The following PORCN variants were observed in gnomAD, a reference collection of about 807,000 sequenced individuals.
The protein encoded by PORCN is porcupine O-acyltransferase, also known as protein-serine O-palmitoleoyltransferase porcupine.
In PORCN, 1 loss-of-function variant was observed where a neutral mutation model predicts 43.0. The ratio of observed to expected loss-of-function variants is 0.02; its 90% CI spans 0.01 to 0.11. PORCN has a LOEUF of 0.11. PORCN is among the 10% of genes least tolerant of loss of function. The pLI is 1.00. For missense variants in PORCN, 240 were observed against 392.1 expected, an observed-to-expected ratio of 0.61 and a Z score of 3.28; for synonymous variants, 148 against 166.4, an observed-to-expected ratio of 0.89 and a Z score of 0.85.
intron 14 of PORCN, among the ~76,000 whole-genome samples, chrX:48,517,751 G>A (rs12557544): frequency 0.29 from 32,098 of 109,146 alleles, 3,812 homozygotes; most frequent in East Asian, 0.39. Flanking sequence ...CCCAGGAGGT[G>A]GAGGTCACAG....
chrX:48,516,255 C>T, intron 13 of PORCN, 109 bp downstream of exon 13: 1 of 707,777 alleles, frequency 1.4e-6, no homozygotes, highest in Non-Finnish European at 2.2e-6. Context: ...CTTTTGGTGC[C>T]TGAGCCATCC....
chrX:48,509,283 C>T (rs1569477288), intron 1 of PORCN, 180 bp downstream of exon 1: 1 of 239,698 alleles, frequency 4.2e-6, no homozygotes, highest in Admixed American at 5.3e-5. Context: ...ACTTTGTTGG[C>T]GGCCTCTCGC....
chrX:48,517,133 G>A, intron 13 of PORCN, 50 bp from the exon 14 acceptor site: 1 of 995,857 alleles, frequency 1.0e-6, no homozygotes, highest in East Asian at 3.3e-5. Context: ...GAGGAGGTGG[G>A]ACACAGTGAG....
chrX:48,517,110 C>A, intron 13 of PORCN, 73 bp from the exon 14 acceptor site: 1 of 828,164 alleles, frequency 1.2e-6, no homozygotes, highest in Non-Finnish European at 1.8e-6. Context: ...GTCCCCTGGG[C>A]TCCCCCGTGC....
chrX:48,515,071 T>C (rs1295624362), intron 10 of PORCN, among the ~76,000 whole-genome samples: 1 of 111,414 alleles, frequency 9.0e-6, no homozygotes, highest in Non-Finnish European at 1.9e-5. Flanking sequence ...TTGCCTGGTG[T>C]GTGGGGAACA....
intron 2 of PORCN, 67 bp downstream of exon 2, chrX:48,510,023 C>A: frequency 9.2e-6 from 8 of 871,517 alleles, no homozygotes; most frequent in South Asian, 2.1e-5. Context: ...TCATCCATAT[C>A]GAGCCACACC....
intron 14 of PORCN, 108 bp from the exon 15 acceptor site, chrX:48,520,267 G>A: frequency 1.7e-6 from 1 of 579,584 alleles, no homozygotes; most frequent in South Asian, 2.3e-5. Context: ...CCCTTCTGCG[G>A]GGCCTCGCCT....
Position 48,515,963 on chromosome X carries a change from G to A in PORCN, c.1087+10G>A, listed in dbSNP as rs375599515. On this transcript the variant is annotated intron_variant, in intron 12 of 14. Coordinates refer to ENST00000326194, the MANE Select transcript of PORCN (RefSeq NM_203475.3). The stretch of plus-strand genomic sequence containing the variant: ...ACTTACGTGGAGCATGGTGAGTGCA[G>A]GGCCCAGCCCAGCCGTTGGATAGAA... 13 of 1,208,361 alleles carry A rather than the reference G, an allele frequency of 1.1e-5. No homozygotes were observed. The African/African-American group carries it at 2.3e-4, about 21-fold the overall frequency.
At chrX:48,519,021 A>G (rs1260013526) in intron 14 of PORCN, among the ~76,000 whole-genome samples, 1 of 111,634 alleles carries the variant, frequency 9.0e-6, no homozygotes, top group Non-Finnish European at 1.9e-5. Flanking sequence ...TGTTTTCATT[A>G]AAATATTTTA....
chrX:48,518,355 G>A (rs972196310), intron 14 of PORCN, among the ~76,000 whole-genome samples: 10 of 110,253 alleles, frequency 9.1e-5, no homozygotes, highest in Middle Eastern at 4.7e-3. Context: ...TGAGTAGCTG[G>A]GATTACAGGC....
At chrX:48,513,167 G>C (rs2061688861) in intron 7 of PORCN, among the ~76,000 whole-genome samples, 1 of 112,649 alleles carries the variant, frequency 8.9e-6, no homozygotes, top group Non-Finnish European at 1.9e-5. Context: ...TCTGTCTAGG[G>C]ATATGTATGA....
chrX:48,514,534 G>A lies in PORCN; in HGVS notation c.855G>A (p.Thr285=), dbSNP rs782305691. ...TCTCTTCTGCCCCCAGGGACCTGAC[G>A]GTGTCCAAGCCACTGAATGTGGAGC... ...EEKDHLEWDL[T]VSKPLNVELP... The change falls in exon 10 of 15, where the codon ACG becomes ACA. Residue 285 remains threonine (T), a synonymous_variant. Transcript: ENST00000326194. The A allele has an allele frequency of 1.5e-5, 18 of 1,209,163 alleles. No homozygotes were observed. The South Asian group carries it at 2.3e-4, about 15-fold the overall frequency.
At chrX:48,509,742 G>C in intron 1 of PORCN, 42 bp from the exon 2 acceptor site, 1 of 1,182,863 alleles carries the variant, frequency 8.5e-7, no homozygotes, top group South Asian at 1.8e-5. Context: ...AGCGAGGTCT[G>C]CCCCACGGAC....
Position 48,514,322 on chromosome X carries a change from T to C in PORCN, c.802T>C (p.Leu268=). Residue 268 remains leucine (L), a synonymous_variant, in exon 9 of 15, where the codon TTG becomes CTG. Transcript: ENST00000326194. The part of the protein sequence containing the change: ...VGFLSEATAT[L]AGAGFTEEKD... ...CTTTCTTTCCGAGGCCACGGCCACG[T>C]TGGCGGGGGCTGGCTTTACCGAGGA... 8.3e-7 allele frequency: 1 copy of C among 1,211,788 alleles called. No homozygotes were observed. The highest frequency in any genetic ancestry group is 1.1e-6 in the Non-Finnish European group (1 of 895,430).
chrX:48,512,777 G>T, intron 6 of PORCN, 58 bp downstream of exon 6: 2 of 1,211,988 alleles, frequency 1.7e-6, no homozygotes, highest in Non-Finnish European at 2.2e-6. Flanking sequence ...AGGGACCCGC[G>T]GTTTCCCCAG....
At chrX:48,518,513 G>A (rs782488508) in intron 14 of PORCN, among the ~76,000 whole-genome samples, 1 of 111,132 alleles carries the variant, frequency 9.0e-6, no homozygotes, top group Non-Finnish European at 1.9e-5. Context: ...GAGCCACCAC[G>A]CCCGGCCAAA....
intron 7 of PORCN, among the ~76,000 whole-genome samples, chrX:48,513,548 G>T (rs782757291): frequency 8.9e-6 from 1 of 112,276 alleles, no homozygotes; most frequent in Non-Finnish European, 1.9e-5. Flanking sequence ...TGCTGATTAG[G>T]TCTAATGCCG....
chrX:48,515,837 C>A, intron 11 of PORCN, 44 bp downstream of exon 11: 1 of 543,985 alleles, frequency 1.8e-6, no homozygotes, highest in East Asian at 6.6e-5. Context: ...TGGGTGGGGG[C>A]GGGTGGCAGG....
intron 10 of PORCN, among the ~76,000 whole-genome samples, chrX:48,515,086 G>A (rs1456759020): frequency 3.6e-5 from 4 of 112,486 alleles, no homozygotes; most frequent in Non-Finnish European, 7.5e-5. Flanking sequence ...GGAACAGCAA[G>A]AAGGCCAGCA....
Sources: gnomAD v4.1 joint callset for allele counts (sites outside exome capture counted in the v4.1 genomes callset) on GRCh38, gnomAD v4.1.1 for gene constraint, MANE v1.5 for transcripts, NCBI Gene and HGNC (gene_info 2026-07-23, HGNC 2026-07-21) for gene names.